Variants in NOSTRIN observed in about 807,000 individuals in gnomAD.
The protein encoded by NOSTRIN is BM247 homolog.
Under a neutral mutation model 59.0 loss-of-function variants are expected in NOSTRIN, and 63 were observed. That is an observed-to-expected ratio of 1.07 (90% confidence interval 0.87 to 1.32). The LOEUF (loss-of-function observed/expected upper bound fraction) is 1.32, where lower values mean the gene tolerates loss of function less well. Ranked by LOEUF, NOSTRIN falls within the 40% of genes most tolerant of loss-of-function variation. The probability of loss-of-function intolerance (pLI) is 0.00; values close to 1 mark genes in which losing one functional copy is unlikely to be tolerated. For missense variants in NOSTRIN, 512 were observed against 473.1 expected (o/e 1.08, Z -0.76); for synonymous variants, 200 against 165.4 (o/e 1.21, Z -1.61).
intron 1 of NOSTRIN, among the ~76,000 whole-genome samples, chr2:168,807,767 G>A (rs1247884176): frequency 6.6e-6 from 1 of 152,116 alleles, no homozygotes; most frequent in Non-Finnish European, 1.5e-5. Context: ...CCTCTTCCTG[G>A]AACAATTTTG....
chr2:168,809,630 A>G (rs769063671), intron 1 of NOSTRIN, among the ~76,000 whole-genome samples: 92 of 151,430 alleles, frequency 6.1e-4, no homozygotes, highest in Middle Eastern at 3.5e-3. Context: ...ATTTGAAAAT[A>G]CTCCCTTAAA....
At chr2:168,855,492 A>AG in intron 11 of NOSTRIN, 32 bp downstream of exon 11, 2 of 1,225,730 alleles carry the variant, frequency 1.6e-6, no homozygotes, top group East Asian at 4.7e-5. Flanking sequence ...TGGCCAGAAA[A>AG]GGGACCATAT....
chr2:168,829,544 C>T (rs750761302), intron 5 of NOSTRIN, among the ~76,000 whole-genome samples: 5 of 152,214 alleles, frequency 3.3e-5, no homozygotes, highest in Non-Finnish European at 5.9e-5. Flanking sequence ...TTGTCTCCAA[C>T]TCCTGACCTC....
intron 5 of NOSTRIN, among the ~76,000 whole-genome samples, chr2:168,829,003 T>G (rs977233487): frequency 6.6e-6 from 1 of 152,124 alleles, no homozygotes; most frequent in Admixed American, 6.5e-5. Context: ...TTTTATTTCA[T>G]TTTTATACTT....
At chr2:168,818,940 G>A (rs1686568899) in intron 2 of NOSTRIN, among the ~76,000 whole-genome samples, 1 of 151,994 alleles carries the variant, frequency 6.6e-6, no homozygotes, top group Admixed American at 6.5e-5. Flanking sequence ...CTGAGATCGG[G>A]TTGCCTATCA....
At chr2:168,824,772 G>A in intron 3 of NOSTRIN, 55 bp downstream of exon 3, 2 of 776,556 alleles carry the variant, frequency 2.6e-6, no homozygotes, top group South Asian at 3.0e-5. Context: ...TTTGTTTTTT[G>A]TTTGTTTGTT....
intron 12 of NOSTRIN, among the ~76,000 whole-genome samples, chr2:168,858,732 C>T (rs1315646237): frequency 6.6e-6 from 1 of 152,156 alleles, no homozygotes; most frequent in Non-Finnish European, 1.5e-5. Flanking sequence ...TGTCTTCTGT[C>T]CATGGCTGTG....
chr2:168,865,068 T>C lies in NOSTRIN; in HGVS notation c.*98T>C, dbSNP rs1307635270. 3.0e-6 allele frequency: 4 copies of C among 1,317,968 alleles called. No individual in the cohort carries two copies. Among genetic ancestry groups the C allele is most frequent in the Non-Finnish European group, 4.2e-6 (4 of 956,064 alleles). The allele number at this position is 1,317,968 out of a possible 1,614,324, so 81.6% of individuals were successfully genotyped here. A position where few individuals can be genotyped will look rare whatever the true frequency, so the allele number is the denominator to read the frequency against. ...GCTCTTACCTTTACATGTTTTTCTT[T>C]TGAAATGGATGGAGTTCTACCTGCA... On this transcript the variant is annotated 3_prime_UTR_variant, in exon 16 of 16. Transcript: ENST00000317647.
At chr2:168,863,489 G>T in intron 15 of NOSTRIN, 2 of 985,332 alleles carry the variant, frequency 2.0e-6, no homozygotes, top group Non-Finnish European at 2.4e-6. Flanking sequence ...CCTGAAGGGG[G>T]CAGATCTTTC....
chr2:168,840,507 G>C (rs1688017192), intron 7 of NOSTRIN, among the ~76,000 whole-genome samples: 1 of 146,100 alleles, frequency 6.8e-6, no homozygotes, highest in East Asian at 2.0e-4. Flanking sequence ...TCCAGCCTGG[G>C]GGACAGGGCG....
chr2:168,857,845 A>G (rs974422621), intron 12 of NOSTRIN, among the ~76,000 whole-genome samples: 1 of 152,244 alleles, frequency 6.6e-6, no homozygotes, highest in Non-Finnish European at 1.5e-5. Flanking sequence ...GGCAATTTCA[A>G]TAGTTCTTTG....
chr2:168,836,121 C>T (rs998216906), intron 7 of NOSTRIN, among the ~76,000 whole-genome samples: 2 of 152,200 alleles, frequency 1.3e-5, no homozygotes, highest in African/African-American at 4.8e-5. Context: ...TTACAAGACT[C>T]TTATTTCTTT....
chr2:168,840,172 G>A (rs1402682455), intron 7 of NOSTRIN, among the ~76,000 whole-genome samples: 1 of 151,904 alleles, frequency 6.6e-6, no homozygotes, highest in Admixed American at 6.6e-5. Flanking sequence ...TTGAACTGTT[G>A]CCAGGTTAAT....
rs757173135 is a variant in NOSTRIN at position 168,828,477 on chromosome 2, T to C, written c.318T>C (p.Asn106=). 1.1e-5 allele frequency: 10 copies of C among 871,094 alleles called. No individual in the cohort carries two copies. Among genetic ancestry groups the C allele is most frequent in the Non-Finnish European group, 2.0e-5 (10 of 501,318 alleles). 54.0% of individuals were successfully genotyped at this position (871,094 alleles called of 1,614,324 possible). ...TAAAACCGACTTATCAAGTCCTAAA[T>C]GTACAAGAGAAGAAGAGAAAATCAG... ...EAIKPTYQVL[N]VQEKKRKSLD... The change falls in exon 5 of 16, where the codon AAT becomes AAC. Residue 106 remains asparagine (N), a synonymous_variant. Coordinates refer to ENST00000317647, the MANE Select transcript of NOSTRIN (RefSeq NM_001039724.4).
At chr2:168,844,984 A>G (rs1380126176) in intron 8 of NOSTRIN, among the ~76,000 whole-genome samples, 1 of 152,146 alleles carries the variant, frequency 6.6e-6, no homozygotes, top group Admixed American at 6.5e-5. Context: ...CTGCATTTAC[A>G]TCTCTTGCAA....
intron 10 of NOSTRIN, 70 bp downstream of exon 10, chr2:168,851,474 A>AAAATTG (rs1688767683): frequency 6.6e-7 from 1 of 1,524,680 alleles, no homozygotes; most frequent in Admixed American, 2.3e-5. Flanking sequence ...TTACATTGAA[A>AAAATTG]AAATTGAAAG....
intron 2 of NOSTRIN, among the ~76,000 whole-genome samples, chr2:168,814,925 T>C (rs893136121): frequency 1.3e-4 from 20 of 152,226 alleles, no homozygotes; most frequent in Admixed American, 1.2e-3. Flanking sequence ...TTTTTTTAAA[T>C]AAATGAAAGA....
rs116543162 is a variant in NOSTRIN at position 168,829,789 on chromosome 2, A to G, written c.342+1288A>G. ...GTTTGTTTCATGACCAGGTGCAGGT[A>G]AGATGTTTGTAAGCTGTGGTAGGTG... On this transcript the variant is annotated intron_variant, in intron 5 of 15. Coordinates refer to ENST00000317647, the MANE Select transcript of NOSTRIN (RefSeq NM_001039724.4). Among the ~76,000 whole-genome samples, 1,433 of 152,222 alleles carry G rather than the reference A, an allele frequency of 9.4e-3. 21 individuals carry two copies. Among genetic ancestry groups the G allele is most frequent in the African/African-American group, 0.032 (1,338 of 41,530 alleles).
chr2:168,865,147 T>A lies in NOSTRIN; in HGVS notation c.*177T>A, dbSNP rs1312434125. The A allele has an allele frequency of 1.5e-6, 1 of 681,332 alleles. No homozygotes were observed. Among genetic ancestry groups the A allele is most frequent in the Admixed American group, 3.0e-5 (1 of 32,926 alleles). The allele number at this position is 681,332 out of a possible 1,614,324, so 42.2% of individuals were successfully genotyped here. A position where few individuals can be genotyped will look rare whatever the true frequency, so the allele number is the denominator to read the frequency against. On this transcript the variant is annotated 3_prime_UTR_variant, in exon 16 of 16. Coordinates refer to ENST00000317647, the MANE Select transcript of NOSTRIN (RefSeq NM_001039724.4). The stretch of plus-strand genomic sequence containing the variant: ...TAGCTTGAAACAGTCAGAAAAAAGA[T>A]GGATGGGTGGAGACAGACAAGGAAG...
Sources: allele counts gnomAD v4.1 joint callset (sites outside exome capture counted in the v4.1 genomes callset), GRCh38; gene constraint gnomAD v4.1.1; transcripts MANE v1.5; gene names NCBI Gene and HGNC (gene_info 2026-07-23, HGNC 2026-07-21).